Variants in FAAH2 observed in about 807,000 individuals in gnomAD.
The protein encoded by FAAH2 is fatty-acid amide hydrolase 2.
In FAAH2, 60 loss-of-function variants were observed where a neutral mutation model predicts 36.9. The ratio of observed to expected loss-of-function variants is 1.63; its 90% confidence interval spans 1.32 to 2.02. The LOEUF is 2.02. Ranked by LOEUF, FAAH2 falls within the 30% of genes most tolerant of loss-of-function variation. The pLI is 0.00. For missense variants in FAAH2, 689 were observed against 397.5 expected (o/e 1.73, Z -6.23); for synonymous variants, 214 against 143.8 (o/e 1.49, Z -3.49).
the FAAH2 span, among the ~76,000 whole-genome samples, chrX:57,260,160 A>G: frequency 8.9e-6 from 1 of 111,761 alleles, no homozygotes; most frequent in Non-Finnish European, 1.9e-5. Context: ...CAGTTGAAAA[A>G]CTATTACCTT....
At chrX:57,319,442 T>C (rs2052946832) in intron 3 of FAAH2, among the ~76,000 whole-genome samples, 1 of 111,177 alleles carries the variant, frequency 9.0e-6, no homozygotes, top group African/African-American at 3.3e-5. Context: ...GAGAATAAAA[T>C]ACATAGGAAT....
intron 7 of FAAH2, among the ~76,000 whole-genome samples, chrX:57,387,046 A>G (rs950080364): frequency 1.8e-5 from 2 of 112,411 alleles, no homozygotes; most frequent in African/African-American, 6.5e-5. Context: ...CTACTGTTGT[A>G]TGCTTTACAA....
At chrX:57,392,882 C>A in intron 7 of FAAH2, 1 of 818,050 alleles carries the variant, frequency 1.2e-6, no homozygotes, top group Non-Finnish European at 1.9e-6. Context: ...TCCCAAAGCC[C>A]TGCTTTGTGT....
the FAAH2 span, among the ~76,000 whole-genome samples, chrX:57,237,647 T>A: frequency 1.8e-5 from 2 of 110,972 alleles, no homozygotes; most frequent in East Asian, 5.6e-4. Flanking sequence ...AATTGACAAA[T>A]GAAGTCTAAT....
At chrX:57,274,002 A>G in the FAAH2 span, among the ~76,000 whole-genome samples, 1 of 111,473 alleles carries the variant, frequency 9.0e-6, no homozygotes, top group African/African-American at 3.3e-5. Flanking sequence ...AACAAAATAG[A>G]TAGACTGCTA....
At chrX:57,283,639 C>G (rs1225296109), upstream of FAAH2, among the ~76,000 whole-genome samples, 1 of 85,985 alleles carries the variant, frequency 1.2e-5, no homozygotes, top group Non-Finnish European at 2.5e-5. Flanking sequence ...TAGATCCAGG[C>G]TTGGGGCCCT....
chrX:57,289,242 A>G (rs2051906975), intron 1 of FAAH2, among the ~76,000 whole-genome samples: 1 of 111,677 alleles, frequency 9.0e-6, no homozygotes, highest in Admixed American at 9.5e-5. Context: ...ACTTTATGGA[A>G]GAGTATGCTT....
intron 5 of FAAH2, among the ~76,000 whole-genome samples, chrX:57,360,939 T>G (rs767667216): frequency 7.2e-5 from 8 of 111,674 alleles, no homozygotes; most frequent in Non-Finnish European, 1.5e-4. Flanking sequence ...TGGTCTTCCA[T>G]CCCTGTGTTA....
At chrX:57,395,233 G>T in intron 7 of FAAH2, 1 of 607,863 alleles carries the variant, frequency 1.6e-6, no homozygotes, top group Non-Finnish European at 2.8e-6. Flanking sequence ...AATCTCTTCA[G>T]CAGCCTTCAG....
chrX:57,350,327 T>G (rs147498441), intron 5 of FAAH2, among the ~76,000 whole-genome samples: 167 of 110,419 alleles, frequency 1.5e-3, no homozygotes, highest in African/African-American at 5.4e-3. Flanking sequence ...CATTTACCAT[T>G]ATGAAAACAC....
chrX:57,258,910 C>A, the FAAH2 span, among the ~76,000 whole-genome samples: 5 of 106,351 alleles, frequency 4.7e-5, no homozygotes, highest in African/African-American at 1.7e-4. Flanking sequence ...TTAGTAGAGA[C>A]GAGCTTTCAC....
At chrX:57,274,259 C>T in the FAAH2 span, among the ~76,000 whole-genome samples, 1 of 111,828 alleles carries the variant, frequency 8.9e-6, no homozygotes, top group Non-Finnish European at 1.9e-5. Flanking sequence ...GAAATTGAAG[C>T]AGTAATTAAT....
At chrX:57,296,721 A>G (rs1409110158) in intron 2 of FAAH2, among the ~76,000 whole-genome samples, 1 of 111,427 alleles carries the variant, frequency 9.0e-6, no homozygotes, top group African/African-American at 3.3e-5. Flanking sequence ...GATTAGATGA[A>G]TGGCTAACTA....
chrX:57,457,520 C>T (rs2056882843), intron 10 of FAAH2, among the ~76,000 whole-genome samples: 1 of 110,431 alleles, frequency 9.1e-6, no homozygotes, highest in South Asian at 3.9e-4. Flanking sequence ...TCTCTCTTTA[C>T]TGATATGATT....
the FAAH2 span, among the ~76,000 whole-genome samples, chrX:57,126,147 A>G: frequency 8.9e-6 from 1 of 112,746 alleles, no homozygotes; most frequent in Admixed American, 9.4e-5. Context: ...AAGTTAAGGT[A>G]GCAGTTATTC....
intron 10 of FAAH2, among the ~76,000 whole-genome samples, chrX:57,457,647 TA>T (rs1389685384): frequency 9.4e-6 from 1 of 106,387 alleles, no homozygotes; most frequent in African/African-American, 3.4e-5. Context: ...TATACACCAA[TA>T]TTGTTCTAGG....
At chrX:57,385,721 C>G (rs1386353415) in intron 7 of FAAH2, among the ~76,000 whole-genome samples, 1 of 111,429 alleles carries the variant, frequency 9.0e-6, no homozygotes, top group African/African-American at 3.3e-5. Context: ...CTGGCTAACA[C>G]GGTGAAATCC....
At chrX:57,201,774 T>C in the FAAH2 span, among the ~76,000 whole-genome samples, 2 of 111,663 alleles carry the variant, frequency 1.8e-5, no homozygotes, top group Middle Eastern at 4.6e-3. Flanking sequence ...GACCAGTAAC[T>C]CTTAGATTTC....
At chrX:57,147,102 CTCTT>C in the FAAH2 span, among the ~76,000 whole-genome samples, 1 of 111,532 alleles carries the variant, frequency 9.0e-6, no homozygotes, top group Non-Finnish European at 1.9e-5. Context: ...GAAGGATTCT[CTCTT>C]TATCTTGTGG....
Sources: gnomAD v4.1 joint callset for allele counts (sites outside exome capture counted in the v4.1 genomes callset) on GRCh38, gnomAD v4.1.1 for gene constraint, MANE v1.5 for transcripts, NCBI Gene and HGNC (gene_info 2026-07-23, HGNC 2026-07-21) for gene names.